The following CHRM1 variants were observed in gnomAD, a reference collection of about 807,000 sequenced individuals.
CHRM1 encodes muscarinic acetylcholine receptor M1.
In CHRM1, 5 loss-of-function variants were observed where a neutral mutation model predicts 31.6. The observed-to-expected ratio is 0.16, with a 90% confidence interval of 0.08 to 0.33. The LOEUF (loss-of-function observed/expected upper bound fraction) is 0.33. Among genes scored for constraint, CHRM1 ranks in the 10% least tolerant of loss-of-function variants. The probability of loss-of-function intolerance (pLI) is 1.00; values close to 1 mark genes in which losing one functional copy is unlikely to be tolerated. For synonymous variants in CHRM1, 227 were observed against 249.7 expected (o/e 0.91, Z 0.86); for missense variants, 338 against 610.3 (o/e 0.55, Z 4.70).
At chr11:62,915,515 A>C (rs1050102704) in intron 1 of CHRM1, among the ~76,000 whole-genome samples, 3 of 152,216 alleles carry the variant, frequency 2.0e-5, no homozygotes, top group Admixed American at 6.5e-5. Flanking sequence ...TATTTGATTT[A>C]AAAAAATATT....
chr11:62,909,929 C>T lies in CHRM1; in HGVS notation c.1172G>A (p.Cys391Tyr). The T allele has an allele frequency of 6.2e-7, 1 of 1,614,206 alleles. No homozygotes were observed. Among genetic ancestry groups the T allele is most frequent in the Non-Finnish European group, 8.5e-7 (1 of 1,180,028 alleles). Residue 391 changes from cysteine (C) to tyrosine (Y), a missense_variant, in exon 2 of 2, where the codon TGC becomes TAC. This residue lies in a region of CHRM1 where 68 missense variants were observed against 108.5 expected (regional missense o/e 0.63). Transcript: ENST00000306960. ...YNIMVLVSTF[C>Y]KDCVPETLWE... is the part of the protein sequence containing the mutation. ...CAGGGTCTCGGGAACACAGTCCTTG[C>T]AGAAGGTGGACACCAGCACCATGAT...
Position 62,910,402 on chromosome 11 carries a change from T to G in CHRM1, c.699A>C (p.Lys233Asn). 6.2e-7 allele frequency: 1 copy of G among 1,611,918 alleles called. No individual in the cohort carries two copies. The change falls in exon 2 of 2, where the codon AAA becomes AAC. Residue 233 changes from lysine (K) to asparagine (N), a missense_variant. Lys to Asn is a moderately conservative substitution (Grantham distance 94). Transcript: ENST00000306960. The surrounding 1 kb of genome is among the most constrained non-coding windows in gnomAD (Gnocchi z 8.7). The part of the protein sequence containing the change: ...AALQGSETPG[K>N]GGGSSSSSER... ...CTGAGCTGCTGCTGCTGCCACCCCC[T>G]TTGCCTGGCGTCTCGGAGCCCTGAA...
At position 62,909,213 on chromosome 11, in the gene CHRM1, A is replaced by C. The variant is rs934369900; in HGVS notation, c.*505T>G. 6.0e-6 allele frequency: 1 copy of C among 168,010 alleles called. No homozygotes were observed. Among genetic ancestry groups the C allele is most frequent in the Non-Finnish European group, 1.3e-5 (1 of 76,788 alleles). The allele number at this position is 168,010 out of a possible 1,614,324, so 10.4% of individuals were successfully genotyped here. A position where few individuals can be genotyped will look rare whatever the true frequency, so the allele number is the denominator to read the frequency against. On this transcript the variant is annotated 3_prime_UTR_variant, in exon 2 of 2. Transcript: ENST00000306960. ...ATCCTGGAGAGTATGCCTAGGGCCC[A>C]GGTGGGCGGGCTCTGCCTATGAAGC...
Position 62,909,211 on chromosome 11 carries a change from C to T in CHRM1, c.*507G>A. ...CAATCCTGGAGAGTATGCCTAGGGC[C>T]CAGGTGGGCGGGCTCTGCCTATGAA... On this transcript the variant is annotated 3_prime_UTR_variant, in exon 2 of 2. Transcript: ENST00000306960. 5.9e-6 allele frequency: 1 copy of T among 168,234 alleles called. No homozygotes were observed. Among genetic ancestry groups the T allele is most frequent in the Admixed American group, 5.5e-5 (1 of 18,250 alleles). The allele number at this position is 168,234 out of a possible 1,614,324, so 10.4% of individuals were successfully genotyped here.
intron 1 of CHRM1, among the ~76,000 whole-genome samples, chr11:62,919,403 T>C (rs1414486556): frequency 1.3e-5 from 2 of 152,196 alleles, no homozygotes; most frequent in African/African-American, 4.8e-5. Context: ...CTAGAATCAC[T>C]GCCAAATTTG....
chr11:62,910,381 G>A lies in CHRM1; in HGVS notation c.720C>T (p.Ser240=), dbSNP rs199940891. The A allele has an allele frequency of 4.3e-4, 688 of 1,609,902 alleles. 1 individual carries two copies. Among genetic ancestry groups the A allele is most frequent in the Middle Eastern group, 3.5e-3 (21 of 6,056 alleles). The change falls in exon 2 of 2, where the codon AGC becomes AGT. Residue 240 remains serine (S), a synonymous_variant. Coordinates refer to ENST00000306960, the MANE Select transcript of CHRM1 (RefSeq NM_000738.3). The surrounding 1 kb of genome is among the most constrained non-coding windows in gnomAD (Gnocchi z 8.7). The part of the protein sequence containing the change: ...TPGKGGGSSS[S]SERSQPGAEG... Reference sequence around the variant, plus strand: ...CAGCCCCTGGCTGAGACCTCTCTGAGCTGCTGCTGCTGCCACCCCCTTTGC... The same window carrying A: ...CAGCCCCTGGCTGAGACCTCTCTGAACTGCTGCTGCTGCCACCCCCTTTGC...
intron 1 of CHRM1, among the ~76,000 whole-genome samples, chr11:62,918,782 G>A (rs757855023): frequency 5.3e-5 from 8 of 152,204 alleles, no homozygotes; most frequent in Non-Finnish European, 1.2e-4. Context: ...GATCTGGCTT[G>A]TGAGAGCAAC....
intron 1 of CHRM1, chr11:62,920,885 G>T (rs562989507): frequency 2.6e-5 from 4 of 152,226 alleles, no homozygotes; most frequent in East Asian, 1.9e-4. Flanking sequence ...CTGCCCCTAG[G>T]GTGTTGGGGG....
intron 1 of CHRM1, among the ~76,000 whole-genome samples, 195 bp from the exon 2 acceptor site, chr11:62,911,373 G>A (rs1421281667): frequency 6.6e-6 from 1 of 152,210 alleles, no homozygotes; most frequent in Non-Finnish European, 1.5e-5. Context: ...GCAGCGTGGA[G>A]TGGCTTTGGG....
intron 1 of CHRM1, among the ~76,000 whole-genome samples, chr11:62,918,803 G>T (rs1379874465): frequency 1.3e-5 from 2 of 152,160 alleles, no homozygotes; most frequent in Admixed American, 1.3e-4. Flanking sequence ...TGGGAGTGGA[G>T]AGAACCACTG....
At position 62,909,409 on chromosome 11, in the gene CHRM1, C is replaced by G; in HGVS notation, c.*309G>C. 2.6e-6 allele frequency: 1 copy of G among 391,834 alleles called. No homozygotes were observed. The highest frequency in any genetic ancestry group is 4.6e-6 in the Non-Finnish European group (1 of 217,440). 24.3% of individuals were successfully genotyped at this position (391,834 alleles called of 1,614,324 possible). ...CCTGGCCCGCCCTGCTGGCTCCTGA[C>G]TTCCTGCCTAAAGGCAAACAAGGAG... On this transcript the variant is annotated 3_prime_UTR_variant, in exon 2 of 2. Transcript: ENST00000306960.
At chr11:62,919,172 C>T (rs1002742073) in intron 1 of CHRM1, among the ~76,000 whole-genome samples, 19 of 152,216 alleles carry the variant, frequency 1.2e-4, no homozygotes, top group Admixed American at 6.5e-5. Context: ...GCTCTCCCCT[C>T]GGGGTTAACT....
Position 62,911,120 on chromosome 11 carries a change from G to C in CHRM1, c.-20C>G. 2 of 1,607,698 alleles carry C rather than the reference G, an allele frequency of 1.2e-6. No homozygotes were observed. The highest frequency in any genetic ancestry group is 8.5e-7 in the Non-Finnish European group (1 of 1,176,314). On this transcript the variant is annotated 5_prime_UTR_variant, in exon 2 of 2. Coordinates refer to ENST00000306960, the MANE Select transcript of CHRM1 (RefSeq NM_000738.3). ...GTTCATGGTGGCTAGGTGGGGCTGG[G>C]GTTGGAGAGCCCCTTCCTCCAGGCA...
rs1045782221 is a variant in CHRM1 at position 62,910,472 on chromosome 11, C to T, written c.629G>A (p.Arg210His). 3.1e-6 allele frequency: 5 copies of T among 1,614,052 alleles called. No homozygotes were observed. Among genetic ancestry groups the T allele is most frequent in the East Asian group, 2.2e-5 (1 of 44,880 alleles). The stretch of plus-strand genomic sequence containing the variant: ...TCGGTTCTCTGTCTCCCGGTAGATG[C>T]GCCAGTAGAGCGTGCACATGACTGT... ...PVTVMCTLYW[R>H]IYRETENRAR... The change falls in exon 2 of 2, where the codon CGC becomes CAC. Residue 210 changes from arginine (R) to histidine (H), a missense_variant. By Grantham distance (29) the Arg-to-His change is conservative (BLOSUM62 0). This residue lies in a region of CHRM1 where 183 missense variants were observed against 223.4 expected (regional missense o/e 0.82). Transcript: ENST00000306960. This position sits in a 1 kb window ranked among gnomAD's most constrained non-coding sequence, Gnocchi z 8.7.
rs2085852842 is a variant in CHRM1 at position 62,909,169 on chromosome 11, C to A, written c.*549G>T. ...TGGAGTTGACCCACCTAGGGACCCT[C>A]TGAGGACATTTGTGGACAATCCTGG... On this transcript the variant is annotated 3_prime_UTR_variant, in exon 2 of 2. Coordinates refer to ENST00000306960, the MANE Select transcript of CHRM1 (RefSeq NM_000738.3). 2 of 156,136 alleles carry A rather than the reference C, an allele frequency of 1.3e-5. No individual in the cohort carries two copies. The highest frequency in any genetic ancestry group is 2.4e-5 in the African/African-American group (1 of 41,468). 9.7% of individuals were successfully genotyped at this position (156,136 alleles called of 1,614,324 possible). A position where few individuals can be genotyped will look rare whatever the true frequency, so the allele number is the denominator to read the frequency against.
intron 1 of CHRM1, among the ~76,000 whole-genome samples, chr11:62,917,642 G>A (rs1210758261): frequency 5.3e-5 from 8 of 151,812 alleles, no homozygotes; most frequent in Admixed American, 5.2e-4. Flanking sequence ...TAGCTTTGTG[G>A]GGACTCATCC....
chr11:62,909,381 T>C lies in CHRM1; in HGVS notation c.*337A>G, dbSNP rs1463974638. The C allele has an allele frequency of 9.8e-6, 3 of 305,194 alleles. No homozygotes were observed. The highest frequency in any genetic ancestry group is 1.8e-5 in the Non-Finnish European group (3 of 164,316). 18.9% of individuals were successfully genotyped at this position (305,194 alleles called of 1,614,324 possible). ...GGAATACTTAATGTTAAGCCTTCTT[T>C]CTCCTGGCCCGCCCTGCTGGCTCCT... On this transcript the variant is annotated 3_prime_UTR_variant, in exon 2 of 2. Transcript: ENST00000306960.
rs537635522 is a variant in CHRM1, at chr11:62,909,516, C to G, written c.*202G>C. 10 of 620,242 alleles carry G rather than the reference C, an allele frequency of 1.6e-5. No homozygotes were observed. The East Asian group carries it at 2.8e-4, about 17-fold the overall frequency. The allele number at this position is 620,242 out of a possible 1,614,324, so 38.4% of individuals were successfully genotyped here. ...CCAGCAGGGAACAGAAAAACCAGTT[C>G]CCCGGGTTTCCCTCCCTGCCTGGGA... On this transcript the variant is annotated 3_prime_UTR_variant, in exon 2 of 2. Coordinates refer to ENST00000306960, the MANE Select transcript of CHRM1 (RefSeq NM_000738.3).
chr11:62,913,432 G>A (rs1728139745), intron 1 of CHRM1, among the ~76,000 whole-genome samples: 1 of 152,184 alleles, frequency 6.6e-6, no homozygotes, highest in African/African-American at 2.4e-5. Context: ...AGCACTTTGG[G>A]AGACCGAGGC....
Sources: allele counts gnomAD v4.1 joint callset (sites outside exome capture counted in the v4.1 genomes callset), GRCh38; gene constraint gnomAD v4.1.1; regional missense constraint gnomAD v4.1.1; non-coding constraint Gnocchi (gnomAD v3.1); transcripts MANE v1.5; gene names NCBI Gene and HGNC (gene_info 2026-07-23, HGNC 2026-07-21).